The following MGAT5 variants were observed in gnomAD, a reference collection of about 807,000 sequenced individuals.
The protein encoded by MGAT5 is alpha-1,6-mannosylglycoprotein 6-beta-N-acetylglucosaminyltransferase A.
A neutral mutation model predicts 94.3 loss-of-function variants in MGAT5; 30 were observed. That is an observed-to-expected ratio of 0.32 (90% CI 0.24 to 0.43). The LOEUF is 0.43. Ranked by LOEUF, MGAT5 falls within the 20% of genes least tolerant of loss-of-function variation. The pLI, the probability that MGAT5 is intolerant of heterozygous loss-of-function variation, is 1.00. For missense variants in MGAT5, 691 were observed against 905.5 expected (o/e 0.76, Z 3.04); for synonymous variants, 310 against 322.9 (o/e 0.96, Z 0.43).
At chr2:134,337,114 G>T (rs1270539066) in intron 5 of MGAT5, among the ~76,000 whole-genome samples, 3 of 152,166 alleles carry the variant, frequency 2.0e-5, no homozygotes, top group South Asian at 2.1e-4. Context: ...TGAGGATTTA[G>T]CCCAAGGGCT....
At chr2:134,169,425 C>T (rs918764785) in intron 1 of MGAT5, among the ~76,000 whole-genome samples, 1 of 151,498 alleles carries the variant, frequency 6.6e-6, no homozygotes, top group Non-Finnish European at 1.5e-5. Context: ...CACACACACA[C>T]ACACACACAC....
chr2:134,300,943 A>G (rs1685979474), intron 2 of MGAT5, among the ~76,000 whole-genome samples: 1 of 152,152 alleles, frequency 6.6e-6, no homozygotes, highest in African/African-American at 2.4e-5. Context: ...TAATAAATGT[A>G]TATATCTATA....
intron 1 of MGAT5, among the ~76,000 whole-genome samples, chr2:134,224,557 A>G (rs913614697): frequency 9.2e-5 from 14 of 152,140 alleles, no homozygotes; most frequent in African/African-American, 3.4e-4. Flanking sequence ...TTGAAATGAT[A>G]ATGAGTGATC....
intron 13 of MGAT5, 45 bp downstream of exon 13, chr2:134,422,964 GAA>G (rs1221322738): frequency 3.5e-6 from 5 of 1,412,210 alleles, no homozygotes; most frequent in African/African-American, 2.8e-5. Context: ...AATGTGACCT[GAA>G]ATGTGTATAA....
intron 1 of MGAT5, among the ~76,000 whole-genome samples, chr2:134,164,143 C>T (rs1383145228): frequency 1.3e-5 from 2 of 152,198 alleles, no homozygotes; most frequent in Admixed American, 6.5e-5. Context: ...GGTCCTTCCC[C>T]AAATTGGAGC....
At chr2:134,377,446 C>G (rs1338332071) in intron 10 of MGAT5, among the ~76,000 whole-genome samples, 2 of 152,232 alleles carry the variant, frequency 1.3e-5, no homozygotes, top group Non-Finnish European at 2.9e-5. Flanking sequence ...CATGACCATT[C>G]TTGGCTGCAG....
At chr2:134,271,825 A>G (rs2105645809) in intron 2 of MGAT5, among the ~76,000 whole-genome samples, 1 of 152,228 alleles carries the variant, frequency 6.6e-6, no homozygotes, top group African/African-American at 2.4e-5. Context: ...AGACAAGAGA[A>G]CCTCCCACTG....
chr2:134,255,546 TACAC>T lies in MGAT5; in HGVS notation c.241+908_241+911del, dbSNP rs538679898. Reference sequence around the variant, plus strand: ...ACACACATATATATATACATACACATACACACACAAATACTTGGAAAAAAATTGC... The same window carrying T: ...ACACACATATATATATACATACACATACACAAATACTTGGAAAAAAATTGC... On this transcript the variant is annotated intron_variant, in intron 1 of 15. Transcript: ENST00000281923. 1.5e-3 allele frequency among the ~76,000 whole-genome samples: 226 copies of T among 151,654 alleles called. 3 individuals are homozygous for T. The highest frequency in any genetic ancestry group is 5.0e-3 in the African/African-American group (208 of 41,336).
chr2:134,330,351 A>AGGTC (rs937994693), intron 4 of MGAT5, among the ~76,000 whole-genome samples: 2 of 152,142 alleles, frequency 1.3e-5, no homozygotes, highest in Non-Finnish European at 2.9e-5. Context: ...CCACTGAAAT[A>AGGTC]GGTCTCTTAT....
At position 134,154,911 on chromosome 2, in the gene MGAT5, CTG is replaced by C. The variant is rs1687403939; in HGVS notation, c.-143+34623_-143+34624del. Among the ~76,000 whole-genome samples the C allele has an allele frequency of 2.6e-5, 4 of 152,340 alleles. No homozygotes were observed. In the East Asian group the frequency reaches 7.7e-4, roughly 29 times the overall value. ...CACCACCGTGAGGTGTCTTGGTCAT[CTG>C]TGACCTTTCCTGGAGGATAATGACA... On this transcript the variant is annotated intron_variant, in intron 1 of 16. Transcript: ENST00000409645.
At chr2:134,371,064 G>A (rs1351335463) in intron 10 of MGAT5, among the ~76,000 whole-genome samples, 1 of 152,194 alleles carries the variant, frequency 6.6e-6, no homozygotes, top group African/African-American at 2.4e-5. Flanking sequence ...GATCCATGAG[G>A]TTTCCTTGTC....
In MGAT5 at chr2:134,341,772, C is replaced by T. The variant is rs779023282; in HGVS notation, c.977+13C>T. ...CTGAGCTCAAGGAGTAAGGAGATTA[C>T]TTTTCAATTTTAAAATCAGAATACA... On this transcript the variant is annotated intron_variant, in intron 7 of 15. Transcript: ENST00000281923. 1.6e-5 allele frequency: 26 copies of T among 1,580,750 alleles called. No homozygotes were observed. Among genetic ancestry groups the T allele is most frequent in the Non-Finnish European group, 2.2e-5 (26 of 1,167,748 alleles).
intron 13 of MGAT5, among the ~76,000 whole-genome samples, chr2:134,427,102 C>T (rs1414518907): frequency 6.6e-6 from 1 of 152,138 alleles, no homozygotes; most frequent in Non-Finnish European, 1.5e-5. Context: ...AGACCAACTG[C>T]TTGGCTGCCA....
At chr2:134,333,497 A>G (rs1177099821) in intron 4 of MGAT5, among the ~76,000 whole-genome samples, 2 of 150,748 alleles carry the variant, frequency 1.3e-5, no homozygotes, top group East Asian at 4.0e-4. Context: ...TGATGAGTTA[A>G]TGGGTGCAGC....
intron 10 of MGAT5, among the ~76,000 whole-genome samples, chr2:134,370,560 A>G (rs534749488): frequency 6.6e-6 from 1 of 152,380 alleles, no homozygotes; most frequent in African/African-American, 2.4e-5. Flanking sequence ...AGATCTTTTC[A>G]TGATCCCTTG....
chr2:134,141,272 A>T (rs1160260759), intron 1 of MGAT5, among the ~76,000 whole-genome samples: 1 of 152,236 alleles, frequency 6.6e-6, no homozygotes, highest in Non-Finnish European at 1.5e-5. Context: ...CTATTTTTAT[A>T]AATAACCTAG....
intron 1 of MGAT5, among the ~76,000 whole-genome samples, chr2:134,121,196 G>T (rs1685566686): frequency 6.6e-6 from 1 of 152,186 alleles, no homozygotes; most frequent in African/African-American, 2.4e-5. Flanking sequence ...CTCCCCGGCT[G>T]CCCTCACAGC....
intron 8 of MGAT5, 36 bp downstream of exon 8, chr2:134,345,100 T>C: frequency 6.3e-7 from 1 of 1,589,240 alleles, no homozygotes; most frequent in Non-Finnish European, 8.6e-7. Context: ...TAAGGTTTTT[T>C]TTCCCCTCCT....
intron 1 of MGAT5, among the ~76,000 whole-genome samples, chr2:134,161,704 A>T (rs1687741879): frequency 6.6e-6 from 1 of 152,110 alleles, no homozygotes; most frequent in East Asian, 1.9e-4. Context: ...ACTTGTTTGC[A>T]TATCGAGTTC....
Sources: allele counts gnomAD v4.1 joint callset (sites outside exome capture counted in the v4.1 genomes callset), GRCh38; gene constraint gnomAD v4.1.1; transcripts MANE v1.5; gene names NCBI Gene and HGNC (gene_info 2026-07-23, HGNC 2026-07-21).